TRAK1: variants seen among roughly 807,000 people sequenced by gnomAD.
TRAK1 encodes the protein trafficking kinesin protein 1, also known as trafficking kinesin-binding protein 1.
A neutral mutation model predicts 92.1 loss-of-function variants in TRAK1; 33 were observed. The observed-to-expected ratio is 0.36, with a 90% confidence interval of 0.27 to 0.48. The LOEUF is 0.48. TRAK1 is among the 20% of genes least tolerant of loss of function. TRAK1 has a pLI of 0.99. For synonymous variants in TRAK1, 521 were observed against 517.3 expected, an observed-to-expected ratio of 1.01 and a Z score of -0.10; for missense variants, 1,123 against 1,257.9, an observed-to-expected ratio of 0.89 and a Z score of 1.62.
rs68023368 is a variant in TRAK1, at chr3:42,191,895, A to ATTTTTTTTTTTT, written c.769+271_769+282dup. 5.0e-3 allele frequency among the ~76,000 whole-genome samples: 367 copies of ATTTTTTTTTTTT among 72,766 alleles called. 58 individuals are homozygous for ATTTTTTTTTTTT. The highest frequency in any genetic ancestry group is 0.012 in the African/African-American group (200 of 17,238). The allele number at this position is 72,766 out of a possible 152,430, so 47.7% of individuals were successfully genotyped here. A position where few individuals can be genotyped will look rare whatever the true frequency, so the allele number is the denominator to read the frequency against. Reference sequence around the variant, plus strand: ...TTTGGCTTTATACTGGAATATTGGAATTTTTTTTTTTTTTTTTTTTTTTGA... The same window carrying ATTTTTTTTTTTT: ...TTTGGCTTTATACTGGAATATTGGAATTTTTTTTTTTTTTTTTTTTTTTTTTTTTTTTTTTGA... On this transcript the variant is annotated intron_variant, in intron 7 of 15. Transcript: ENST00000327628.
intron 14 of TRAK1, among the ~76,000 whole-genome samples, chr3:42,214,682 G>C (rs138480871): frequency 6.2e-4 from 95 of 152,332 alleles, no homozygotes; most frequent in Non-Finnish European, 1.3e-3. Context: ...CCAAAAATAA[G>C]TTGTGCAGAA....
intron 1 of TRAK1, among the ~76,000 whole-genome samples, chr3:42,110,201 CTT>C (rs1708201003): frequency 6.7e-6 from 1 of 148,636 alleles, no homozygotes; most frequent in Admixed American, 6.7e-5. Flanking sequence ...AACCAGAACA[CTT>C]ATAAAAACTG....
chr3:42,091,491 G>A lies in TRAK1; in HGVS notation c.22G>A (p.Gly8Arg), dbSNP rs116661356. MALVFQF[G>R]QPVRAQPLPG... is the part of the protein sequence containing the mutation. Reference sequence around the variant, plus strand: ...GCACATGGCATTGGTTTTTCAATTCGGGCAGCCCGTCAGGGCTCAGCCTCT... The same window carrying A: ...GCACATGGCATTGGTTTTTCAATTCAGGCAGCCCGTCAGGGCTCAGCCTCT... The change falls in exon 1 of 16, where the codon GGG (glycine) becomes AGG (arginine). Residue 8 changes from glycine (G) to arginine (R), a missense_variant. Transcript: ENST00000327628. 1.3e-3 allele frequency: 2,128 copies of A among 1,613,348 alleles called. 21 individuals are homozygous for A. In the African/African-American group the frequency reaches 0.024, roughly 18 times the overall value.
chr3:42,169,342 G>C (rs1231607665), intron 2 of TRAK1, among the ~76,000 whole-genome samples: 2 of 151,762 alleles, frequency 1.3e-5, no homozygotes. Flanking sequence ...TACCTACTGT[G>C]TTTATTCATT....
intron 2 of TRAK1, among the ~76,000 whole-genome samples, chr3:42,149,866 T>TA: frequency 6.6e-6 from 1 of 152,314 alleles, no homozygotes; most frequent in African/African-American, 2.4e-5. Flanking sequence ...TTGTAAGTGT[T>TA]ATACTTCTAT....
intron 1 of TRAK1, among the ~76,000 whole-genome samples, chr3:42,054,661 T>C (rs1479404355): frequency 6.6e-6 from 1 of 152,182 alleles, no homozygotes; most frequent in Non-Finnish European, 1.5e-5. Flanking sequence ...CCCAGCATGG[T>C]AGAAATATTT....
chr3:42,145,301 A>G (rs9877319), intron 2 of TRAK1, among the ~76,000 whole-genome samples: 4,973 of 152,254 alleles, frequency 0.033, 273 homozygotes, highest in African/African-American at 0.11. Context: ...CCTGGCCAAC[A>G]TGGTGAGACC....
Position 42,202,922 on chromosome 3 carries a change from C to G in TRAK1, c.1744+170C>G. The G allele has an allele frequency of 2.8e-6, 4 of 1,416,470 alleles. No homozygotes were observed. Among genetic ancestry groups the G allele is most frequent in the Non-Finnish European group, 3.7e-6 (4 of 1,085,202 alleles). The allele number at this position is 1,416,470 out of a possible 1,614,324, so 87.7% of individuals were successfully genotyped here. A position where few individuals can be genotyped will look rare whatever the true frequency, so the allele number is the denominator to read the frequency against. ...TCTGAGGGTGGTGCTCAGCCTAGGC[C>G]TCCGTCCCTCCCCTCTGGCTGGCAG... On this transcript the variant is annotated intron_variant, in intron 13 of 15. Coordinates refer to ENST00000327628, the MANE Select transcript of TRAK1 (RefSeq NM_001042646.3). This position sits in a 1 kb window ranked among gnomAD's most constrained non-coding sequence, Gnocchi z 6.1.
intron 5 of TRAK1, 49 bp from the exon 6 acceptor site, chr3:42,188,967 G>T (rs756126909): frequency 1.5e-6 from 2 of 1,374,908 alleles, no homozygotes; most frequent in African/African-American, 1.4e-5. Context: ...TTGCCAGGTG[G>T]TGGGAGGAAA....
intron 1 of TRAK1, among the ~76,000 whole-genome samples, chr3:42,101,128 C>G (rs1356241547): frequency 6.6e-6 from 1 of 152,140 alleles, no homozygotes; most frequent in African/African-American, 2.4e-5. Context: ...GGGATTTGGG[C>G]CACAAAGTTG....
rs1703185921 is a variant in TRAK1 at position 42,176,187 on chromosome 3, G to C, written c.287-627G>C. ...TGTACATGTAATGAAATATTACTCT[G>C]TGTGTGTGTGTGTGCAATCATAGTA... On this transcript the variant is annotated intron_variant, in intron 2 of 15. Coordinates refer to ENST00000327628, the MANE Select transcript of TRAK1 (RefSeq NM_001042646.3). 2.6e-5 allele frequency among the ~76,000 whole-genome samples: 4 copies of C among 151,642 alleles called. No homozygotes were observed. The South Asian group carries it at 8.4e-4, about 32-fold the overall frequency.
intron 2 of TRAK1, among the ~76,000 whole-genome samples, chr3:42,174,964 A>C (rs1286256016): frequency 6.6e-6 from 1 of 152,018 alleles, no homozygotes; most frequent in African/African-American, 2.4e-5. Flanking sequence ...TAGCCTTAAA[A>C]ATTTGAGTAT....
chr3:42,103,043 G>A (rs1251528047), intron 1 of TRAK1, among the ~76,000 whole-genome samples: 1 of 152,150 alleles, frequency 6.6e-6, no homozygotes, highest in Admixed American at 6.5e-5. Flanking sequence ...GTGGGGTTGT[G>A]CAATTATCAC....
chr3:42,154,930 G>A, intron 2 of TRAK1, among the ~76,000 whole-genome samples: 1 of 152,080 alleles, frequency 6.6e-6, no homozygotes, highest in East Asian at 1.9e-4. Context: ...AAAGATAGGA[G>A]GATATGGGCT....
At position 42,223,560 on chromosome 3, in the gene TRAK1, C is replaced by A. The variant is rs766741872; in HGVS notation, c.2685C>A (p.Pro895=). The change falls in exon 16 of 16, where the codon CCC becomes CCA. Residue 895 remains proline, a synonymous_variant. Coordinates refer to ENST00000327628, the MANE Select transcript of TRAK1 (RefSeq NM_001042646.3). This position sits in a 1 kb window ranked among gnomAD's most constrained non-coding sequence, Gnocchi z 6.1. Reference sequence around the variant, plus strand: ...GAGGCCTGGTACCTGAGGGCCTGCCCCTCAGATGCCCCACTGTCACCAGTG... The same window carrying A: ...GAGGCCTGGTACCTGAGGGCCTGCCACTCAGATGCCCCACTGTCACCAGTG... ...VPRGLVPEGL[P]LRCPTVTSAI... 2.5e-6 allele frequency: 4 copies of A among 1,613,862 alleles called. No individual in the cohort carries two copies. The South Asian group carries it at 4.4e-5, about 18-fold the overall frequency.
Position 42,121,969 on chromosome 3 carries a change from C to T in TRAK1, c.92-3451C>T, listed in dbSNP as rs539593026. Reference sequence around the variant, plus strand: ...AGTAGCTGGGATTACCAGCGTGCGCCGCTATGCCTGGCTAATTTTTATACT... The same window carrying T: ...AGTAGCTGGGATTACCAGCGTGCGCTGCTATGCCTGGCTAATTTTTATACT... On this transcript the variant is annotated intron_variant, in intron 1 of 15. Transcript: ENST00000327628. Among the ~76,000 whole-genome samples, 415 of 152,186 alleles carry T rather than the reference C, an allele frequency of 2.7e-3. 1 individual carries two copies. Among genetic ancestry groups the T allele is most frequent in the South Asian group, 8.3e-3 (40 of 4,824 alleles).
chr3:42,071,843 A>G (rs1468616849), intron 1 of TRAK1, among the ~76,000 whole-genome samples: 1 of 151,852 alleles, frequency 6.6e-6, no homozygotes, highest in Admixed American at 6.6e-5. Flanking sequence ...CTTCTCAGGC[A>G]AAGTTTTCCT....
At chr3:42,133,932 T>A (rs1246966226) in intron 2 of TRAK1, among the ~76,000 whole-genome samples, 2 of 152,214 alleles carry the variant, frequency 1.3e-5, no homozygotes, top group Admixed American at 6.5e-5. Flanking sequence ...GGACTAAAAA[T>A]TTTTTTAAAA....
intron 1 of TRAK1, among the ~76,000 whole-genome samples, chr3:42,027,912 C>T (rs551838851): frequency 1.7e-4 from 26 of 152,166 alleles, no homozygotes; most frequent in African/African-American, 5.8e-4. Context: ...TGCAGTGGTG[C>T]GATCTTGGCT....
Sources: allele counts gnomAD v4.1 joint callset (sites outside exome capture counted in the v4.1 genomes callset), GRCh38; gene constraint gnomAD v4.1.1; non-coding constraint Gnocchi (gnomAD v3.1); transcripts MANE v1.5; gene names NCBI Gene and HGNC (gene_info 2026-07-23, HGNC 2026-07-21).